Variants in PDE4D observed in about 807,000 individuals in gnomAD.
PDE4D encodes 3',5'-cyclic-AMP phosphodiesterase 4D.
Under a neutral mutation model 87.4 loss-of-function variants are expected in PDE4D, and 24 were observed. The ratio of observed to expected loss-of-function variants is 0.27; its 90% CI spans 0.20 to 0.39. The LOEUF (loss-of-function observed/expected upper bound fraction) is 0.39, where lower values mean the gene tolerates loss of function less well. Ranked by LOEUF, PDE4D falls within the 10% of genes least tolerant of loss-of-function variation. The pLI is 1.00. For synonymous variants in PDE4D, 384 were observed against 383.2 expected, an observed-to-expected ratio of 1.00 and a Z score of -0.02; for missense variants, 714 against 1,041.0, an observed-to-expected ratio of 0.69 and a Z score of 4.32.
intron 1 of PDE4D, among the ~76,000 whole-genome samples, chr5:59,707,098 T>G (rs1171244707): frequency 6.6e-6 from 1 of 152,190 alleles, no homozygotes; most frequent in Non-Finnish European, 1.5e-5. Context: ...TAAAATAGTT[T>G]TTGTTACAGT....
At chr5:59,376,725 A>G (rs1346707444) in intron 1 of PDE4D, among the ~76,000 whole-genome samples, 2 of 152,210 alleles carry the variant, frequency 1.3e-5, no homozygotes, top group East Asian at 3.8e-4. Flanking sequence ...CCGAATAGCT[A>G]AGGCAATCCT....
At chr5:59,592,088 T>C in intron 1 of PDE4D, 3 of 979,494 alleles carry the variant, frequency 3.1e-6, no homozygotes, top group Non-Finnish European at 3.6e-6. Context: ...CAACCCCACC[T>C]CCCAGCAAGA....
chr5:59,273,484 G>A (rs894053340), intron 1 of PDE4D, among the ~76,000 whole-genome samples: 4 of 152,094 alleles, frequency 2.6e-5, no homozygotes, highest in African/African-American at 9.6e-5. Flanking sequence ...ATAATAAAAT[G>A]GCAAAACTGT....
intron 1 of PDE4D, among the ~76,000 whole-genome samples, chr5:59,828,023 A>C (rs1006269594): frequency 6.6e-6 from 1 of 152,136 alleles, no homozygotes; most frequent in African/African-American, 2.4e-5. Flanking sequence ...AGAAAATATA[A>C]ATGCTTGCCT....
At chr5:59,813,469 CACACACACACACATAT>C (rs1768600689) in intron 1 of PDE4D, among the ~76,000 whole-genome samples, 1 of 144,780 alleles carries the variant, frequency 6.9e-6, no homozygotes, top group Non-Finnish European at 1.5e-5. Context: ...CACACACACA[CACACACACACACATAT>C]GCCTGTCATT....
chr5:59,064,724 A>G (rs563793280), intron 5 of PDE4D, among the ~76,000 whole-genome samples: 3 of 152,276 alleles, frequency 2.0e-5, no homozygotes, highest in African/African-American at 7.2e-5. Context: ...TATTTAGAGT[A>G]TCAGTAACCC....
intron 1 of PDE4D, among the ~76,000 whole-genome samples, chr5:59,395,672 C>T (rs1053570594): frequency 2.3e-4 from 32 of 140,554 alleles, no homozygotes; most frequent in African/African-American, 7.6e-4. Context: ...AAAATCAGAG[C>T]GCCTCTCCTC....
intron 1 of PDE4D, among the ~76,000 whole-genome samples, chr5:60,318,151 T>C (rs1464863283): frequency 6.6e-6 from 1 of 152,216 alleles, no homozygotes; most frequent in East Asian, 1.9e-4. Flanking sequence ...GGACTTGCTT[T>C]ATGAATCTGG....
At position 58,975,566 on chromosome 5, in the gene PDE4D, C is replaced by A; in HGVS notation, c.2013+91G>T. The A allele has an allele frequency of 2.0e-6, 2 of 998,968 alleles. No homozygotes were observed. The highest frequency in any genetic ancestry group is 1.4e-6 in the Non-Finnish European group (1 of 736,522). The allele number at this position is 998,968 out of a possible 1,614,324, so 61.9% of individuals were successfully genotyped here. ...TCAAAAACAAAGTAATTTTAAAAAT[C>A]CAGTAAAATACTATCATATGTAATA... is the stretch of plus-strand genomic sequence containing the variant. On this transcript the variant is annotated intron_variant, in intron 14 of 14. Coordinates refer to ENST00000340635, the MANE Select transcript of PDE4D (RefSeq NM_001104631.2). This position sits in a 1 kb window ranked among gnomAD's most constrained non-coding sequence, Gnocchi z 4.2.
Position 60,458,229 on chromosome 5 carries a change from A to G in PDE4D, c.-90+29713T>C, listed in dbSNP as rs188743919. ...GTGAAACCCCATCTCTACTAAAAGT[A>G]CAAAAAAATTAGCTGGGCATGGTGT... On this transcript the variant is annotated intron_variant, in intron 1 of 16. Transcript: ENST00000502484. Among the ~76,000 whole-genome samples the G allele has an allele frequency of 1.2e-3, 183 of 152,202 alleles. 1 individual carries two copies. The highest frequency in any genetic ancestry group is 4.4e-3 in the African/African-American group (181 of 41,534).
intron 2 of PDE4D, among the ~76,000 whole-genome samples, chr5:60,128,732 G>A (rs530781132): frequency 3.3e-5 from 5 of 152,150 alleles, no homozygotes; most frequent in South Asian, 4.1e-4. Flanking sequence ...AGCTGGCTAC[G>A]TTGGAAGCAA....
At chr5:60,104,690 T>C (rs192905794) in intron 2 of PDE4D, among the ~76,000 whole-genome samples, 33 of 152,236 alleles carry the variant, frequency 2.2e-4, no homozygotes, top group Admixed American at 4.6e-4. Context: ...TCAGACAGCA[T>C]CATTTGCGGT....
chr5:60,362,461 G>A (rs1369428953), intron 1 of PDE4D, among the ~76,000 whole-genome samples: 2 of 152,232 alleles, frequency 1.3e-5, no homozygotes, highest in Non-Finnish European at 2.9e-5. Context: ...GATGATTGAT[G>A]AGGATTAAAT....
intron 1 of PDE4D, among the ~76,000 whole-genome samples, chr5:59,507,679 A>AAAAAAAAAAAAAAAAAAAAAG (rs61334148): frequency 8.4e-6 from 1 of 118,712 alleles, no homozygotes. Context: ...AAAAAAAAAA[A>AAAAAAAAAAAAAAAAAAAAAG]AAAAGAAAAG....
intron 1 of PDE4D, among the ~76,000 whole-genome samples, chr5:59,760,492 C>T (rs921863216): frequency 6.6e-6 from 1 of 152,064 alleles, no homozygotes; most frequent in Non-Finnish European, 1.5e-5. Context: ...CTAAAGATAT[C>T]CTACTACCTA....
At chr5:59,762,125 T>C (rs1323205339) in intron 1 of PDE4D, among the ~76,000 whole-genome samples, 2 of 151,946 alleles carry the variant, frequency 1.3e-5, no homozygotes, top group Admixed American at 1.3e-4. Flanking sequence ...TGTATATATA[T>C]GTAGGTATAT....
chr5:59,065,065 TATACACACACAC>T lies in PDE4D; in HGVS notation c.809-26106_809-26095del, dbSNP rs759097583. Among the ~76,000 whole-genome samples the T allele has an allele frequency of 7.1e-3, 75 of 10,520 alleles. 1 individual carries two copies. The highest frequency in any genetic ancestry group is 0.037 in the East Asian group (14 of 382). The allele number at this position is 10,520 out of a possible 152,430, so 6.9% of individuals were successfully genotyped here. A position where few individuals can be genotyped will look rare whatever the true frequency, so the allele number is the denominator to read the frequency against. ...ATGGACAAAGGAAATGTGATATATA[TATACACACACAC>T]ACACACACACACACACACACACACA... On this transcript the variant is annotated intron_variant, in intron 5 of 14. Coordinates refer to ENST00000340635, the MANE Select transcript of PDE4D (RefSeq NM_001104631.2).
chr5:60,350,135 A>G (rs1055365584), intron 1 of PDE4D, among the ~76,000 whole-genome samples: 1 of 152,148 alleles, frequency 6.6e-6, no homozygotes, highest in African/African-American at 2.4e-5. Flanking sequence ...AAAATACCAC[A>G]GGAGTTCACT....
chr5:59,340,240 G>C (rs2153581399), intron 1 of PDE4D, among the ~76,000 whole-genome samples: 1 of 152,116 alleles, frequency 6.6e-6, no homozygotes, highest in South Asian at 2.1e-4. Flanking sequence ...AATTTTCTTA[G>C]CTGTTTTTGC....
Sources: allele counts gnomAD v4.1 joint callset (sites outside exome capture counted in the v4.1 genomes callset), GRCh38; gene constraint gnomAD v4.1.1; non-coding constraint Gnocchi (gnomAD v3.1); transcripts MANE v1.5; gene names NCBI Gene and HGNC (gene_info 2026-07-23, HGNC 2026-07-21).